Variants in MARCHF1 observed in about 807,000 individuals in gnomAD.
The protein encoded by MARCHF1 is membrane associated ring-CH-type finger 1.
A neutral mutation model predicts 54.2 loss-of-function variants in MARCHF1; 40 were observed. The observed-to-expected ratio is 0.74, with a 90% CI of 0.57 to 0.96. The LOEUF is 0.96. Among genes scored for constraint, MARCHF1 ranks in the 40% least tolerant of loss-of-function variants. The pLI is 0.00. For synonymous variants in MARCHF1, 236 were observed against 236.3 expected (o/e 1.00, Z 0.01); for missense variants, 586 against 656.5 (o/e 0.89, Z 1.17).
intron 8 of MARCHF1, among the ~76,000 whole-genome samples, chr4:163,565,333 T>A (rs1364393076): frequency 6.6e-6 from 1 of 152,278 alleles, no homozygotes; most frequent in East Asian, 1.9e-4. Context: ...AGGAGACATA[T>A]TTGACCTTGT....
At position 163,751,582 on chromosome 4, in the gene MARCHF1, ACC is replaced by A. The variant is rs201159309; in HGVS notation, c.112-50721_112-50720del. ...GTAATAAAACACAATTTTATACATTACCAAAAATTATAATATATGACCTAGAA... is the reference window on the plus strand; with the variant it reads ...GTAATAAAACACAATTTTATACATTAAAAAATTATAATATATGACCTAGAA... On this transcript the variant is annotated intron_variant, in intron 4 of 9. Coordinates refer to ENST00000514618, the MANE Select transcript of MARCHF1 (RefSeq NM_001394959.1). 1.5e-4 allele frequency among the ~76,000 whole-genome samples: 16 copies of A among 105,748 alleles called. No individual in the cohort carries two copies. In the South Asian group the frequency reaches 3.6e-3, roughly 24 times the overall value. The allele number at this position is 105,748 out of a possible 152,430, so 69.4% of individuals were successfully genotyped here. A position where few individuals can be genotyped will look rare whatever the true frequency, so the allele number is the denominator to read the frequency against.
intron 1 of MARCHF1, among the ~76,000 whole-genome samples, chr4:164,282,545 C>T (rs1304719118): frequency 6.6e-6 from 1 of 150,992 alleles, no homozygotes; most frequent in Non-Finnish European, 1.5e-5. Flanking sequence ...CACCGTCTTG[C>T]TTCACTTCCC....
chr4:163,984,435 C>G (rs1398889690), intron 3 of MARCHF1, among the ~76,000 whole-genome samples: 1 of 152,030 alleles, frequency 6.6e-6, no homozygotes, highest in African/African-American at 2.4e-5. Context: ...CTCTTAAGTC[C>G]CTCCCATCAT....
chr4:164,140,455 T>C (rs1756504882), intron 1 of MARCHF1, among the ~76,000 whole-genome samples: 1 of 152,116 alleles, frequency 6.6e-6, no homozygotes, highest in South Asian at 2.1e-4. Context: ...ATTTGGACAA[T>C]GAGATGCCAG....
At chr4:164,377,105 T>C (rs1731216006) in intron 1 of MARCHF1, among the ~76,000 whole-genome samples, 2 of 152,192 alleles carry the variant, frequency 1.3e-5, no homozygotes, top group Non-Finnish European at 2.9e-5. Flanking sequence ...TAGTCAGTGA[T>C]TTCTGGAATA....
chr4:163,770,397 C>T (rs1322607063), intron 4 of MARCHF1, among the ~76,000 whole-genome samples: 1 of 152,100 alleles, frequency 6.6e-6, no homozygotes, highest in Non-Finnish European at 1.5e-5. Flanking sequence ...CCCACAGATA[C>T]ACATCTGCTT....
chr4:164,298,498 T>C (rs1342401810), intron 1 of MARCHF1, among the ~76,000 whole-genome samples: 1 of 152,052 alleles, frequency 6.6e-6, no homozygotes, highest in African/African-American at 2.4e-5. Context: ...CGTGGACAAT[T>C]CCCTTTTATA....
In MARCHF1 at chr4:164,329,199, A is replaced by C. The variant is rs182893513; in HGVS notation, c.-323+54671T>G. Reference sequence around the variant, plus strand: ...AGAAACTAACAGATGCACTTTGGCAAAAGTAAACTGTCCCTTGACCTCCAC... The same window carrying C: ...AGAAACTAACAGATGCACTTTGGCACAAGTAAACTGTCCCTTGACCTCCAC... On this transcript the variant is annotated intron_variant, in intron 1 of 9. Coordinates refer to ENST00000514618, the MANE Select transcript of MARCHF1 (RefSeq NM_001394959.1). Among the ~76,000 whole-genome samples, 288 of 152,322 alleles carry C rather than the reference A, an allele frequency of 1.9e-3. 1 individual carries two copies. The highest frequency in any genetic ancestry group is 6.8e-3 in the Middle Eastern group (2 of 294).
intron 1 of MARCHF1, among the ~76,000 whole-genome samples, chr4:164,200,502 C>A (rs147431700): frequency 3.6e-4 from 55 of 152,274 alleles, no homozygotes; most frequent in African/African-American, 1.3e-3. Flanking sequence ...TTTCAGGGTA[C>A]AGTCCTATAA....
At chr4:163,975,901 T>C (rs1018359682) in intron 3 of MARCHF1, among the ~76,000 whole-genome samples, 1 of 152,150 alleles carries the variant, frequency 6.6e-6, no homozygotes, top group Non-Finnish European at 1.5e-5. Context: ...TTTAAAAATA[T>C]TGGTCAACTT....
At chr4:164,379,356 A>T (rs1731298220) in intron 1 of MARCHF1, among the ~76,000 whole-genome samples, 6 of 152,152 alleles carry the variant, frequency 3.9e-5, no homozygotes, top group Admixed American at 3.9e-4. Context: ...ATAGTAAAAC[A>T]AGTACAGGGA....
chr4:163,672,843 G>A (rs1034256509), intron 5 of MARCHF1, among the ~76,000 whole-genome samples: 8 of 152,068 alleles, frequency 5.3e-5, no homozygotes, highest in South Asian at 2.1e-4. Context: ...GCATCCCTTG[G>A]CTCATGCCCC....
In MARCHF1 at chr4:163,788,963, T is replaced by G. The variant is rs186873807; in HGVS notation, c.111+65058A>C. ...CAAATATTCTGTTTCTCCATAAAGTTTTTTCCAATAATTTTAGCATTCATC... is the reference window on the plus strand; with the variant it reads ...CAAATATTCTGTTTCTCCATAAAGTGTTTTCCAATAATTTTAGCATTCATC... On this transcript the variant is annotated intron_variant, in intron 4 of 9. Transcript: ENST00000514618. 3.7e-3 allele frequency among the ~76,000 whole-genome samples: 570 copies of G among 152,142 alleles called. 2 individuals carry two copies. Among genetic ancestry groups the G allele is most frequent in the African/African-American group, 0.013 (547 of 41,542 alleles).
chr4:163,557,602 AGAGT>A (rs1739335051), intron 8 of MARCHF1, among the ~76,000 whole-genome samples: 1 of 152,204 alleles, frequency 6.6e-6, no homozygotes, highest in African/African-American at 2.4e-5. Context: ...CTAAAGCTCA[AGAGT>A]GAGAACTGAA....
chr4:164,146,514 C>A (rs890984360), intron 1 of MARCHF1, among the ~76,000 whole-genome samples: 1 of 152,054 alleles, frequency 6.6e-6, no homozygotes, highest in Non-Finnish European at 1.5e-5. Context: ...TCAGAAATAA[C>A]GCTGCATATC....
At chr4:163,625,470 A>G (rs562176730) in intron 5 of MARCHF1, among the ~76,000 whole-genome samples, 5 of 152,352 alleles carry the variant, frequency 3.3e-5, no homozygotes, top group African/African-American at 9.6e-5. Context: ...GTGCGGTTGA[A>G]TGGAGTGTGG....
At chr4:164,034,110 G>T (rs866010629) in intron 2 of MARCHF1, among the ~76,000 whole-genome samples, 19 of 141,858 alleles carry the variant, frequency 1.3e-4, no homozygotes, top group African/African-American at 5.1e-4. Flanking sequence ...TAGATAGATA[G>T]ATAGATAGAG....
chr4:163,607,894 GC>G (rs1560970840), intron 7 of MARCHF1, among the ~76,000 whole-genome samples: 1 of 152,086 alleles, frequency 6.6e-6, no homozygotes. Context: ...ATTTTAACAA[GC>G]CCTCCAGTTG....
At chr4:163,714,174 G>A (rs1311972436) in intron 4 of MARCHF1, among the ~76,000 whole-genome samples, 1 of 152,090 alleles carries the variant, frequency 6.6e-6, no homozygotes, top group African/African-American at 2.4e-5. Flanking sequence ...TCCATAAAGA[G>A]CAATAGTTAT....
Sources: allele counts gnomAD v4.1 joint callset (sites outside exome capture counted in the v4.1 genomes callset), GRCh38; gene constraint gnomAD v4.1.1; transcripts MANE v1.5; gene names NCBI Gene and HGNC (gene_info 2026-07-23, HGNC 2026-07-21).